ZNF646: variants seen among roughly 807,000 people sequenced by gnomAD.
The protein encoded by ZNF646 is zinc finger protein 646.
In ZNF646, 49 loss-of-function variants were observed where a neutral mutation model predicts 115.4. That is an observed-to-expected ratio of 0.42 (90% CI 0.34 to 0.54). ZNF646 has a LOEUF of 0.54. Among genes scored for constraint, ZNF646 ranks in the 20% least tolerant of loss-of-function variants. ZNF646 has a pLI of 0.04. For synonymous variants in ZNF646, 933 were observed against 939.0 expected, an observed-to-expected ratio of 0.99 and a Z score of 0.12; for missense variants, 2,269 against 2,457.9, an observed-to-expected ratio of 0.92 and a Z score of 1.62.
Position 31,076,467 on chromosome 16 carries a change from ACCG to A in ZNF646, c.144_146del (p.Arg49del). 1 of 1,613,648 alleles carries A rather than the reference ACCG, an allele frequency of 6.2e-7. No homozygotes were observed. The stretch of plus-strand genomic sequence containing the variant: ...GAGGCTGACAGCATCCCTCGGCCCT[ACCG>A]TTGTCAGCAGTGTGGGCGGGGCTAC... On this transcript the variant is annotated inframe_deletion, in exon 2 of 3. Coordinates refer to ENST00000300850, the MANE Select transcript of ZNF646 (RefSeq NM_014699.4).
In ZNF646 at chr16:31,079,098, C is replaced by A. The variant is rs1438098204; in HGVS notation, c.2774C>A (p.Ala925Glu). The A allele has an allele frequency of 1.3e-6, 2 of 1,579,038 alleles. No homozygotes were observed. Among genetic ancestry groups the A allele is most frequent in the Admixed American group, 3.5e-5 (2 of 57,938 alleles). ...EEGEEEGVAE[A>E]APARSPPLQL... ...GGGGAAGAGGAAGGAGTGGCAGAGG[C>A]AGCCCCTGCACGCAGTCCACCACTG... The change falls in exon 2 of 3, where the codon GCA becomes GAA. Residue 925 changes from alanine to glutamate, a missense_variant. Ala to Glu is a moderately radical substitution (Grantham distance 107). This residue lies in a region of ZNF646 where 852 missense variants were observed against 900.2 expected (regional missense o/e 0.95). Coordinates refer to ENST00000300850, the MANE Select transcript of ZNF646 (RefSeq NM_014699.4). This position sits in a 1 kb window ranked among gnomAD's most constrained non-coding sequence, Gnocchi z 5.5.
chr16:31,082,361 G>C (rs760912990), intron 2 of ZNF646: 1 of 173,298 alleles, frequency 5.8e-6, no homozygotes, highest in African/African-American at 2.4e-5. Context: ...TGCTGCCAAC[G>C]GCCTTTTTAG....
In ZNF646 at chr16:31,083,643, G is replaced by T. The variant is rs1010405619; in HGVS notation, c.*551G>T. ...GCAGGGTGGGGAGTGGGCACCTGTG[G>T]CCCCAGGCAGGTTCCTTCCCACAGC... On this transcript the variant is annotated 3_prime_UTR_variant, in exon 3 of 3. Coordinates refer to ENST00000300850, the MANE Select transcript of ZNF646 (RefSeq NM_014699.4). The T allele has an allele frequency of 5.9e-6, 9 of 1,530,360 alleles. No homozygotes were observed. The African/African-American group carries it at 9.6e-5, about 16-fold the overall frequency. The allele number at this position is 1,530,360 out of a possible 1,614,324, so 94.8% of individuals were successfully genotyped here.
rs777007769 is a variant in ZNF646, at chr16:31,077,967, C to T, written c.1643C>T (p.Pro548Leu). Reference protein sequence around the residue: ...PPDPVEAEAAPHTDQDHVCKH... With the variant: ...PPDPVEAEAALHTDQDHVCKH... ...GACCCAGTGGAGGCAGAGGCAGCCC[C>T]GCACACAGATCAGGACCATGTGTGC... Residue 548 changes from proline (P) to leucine (L), a missense_variant, in exon 2 of 3, where the codon CCG becomes CTG. This residue lies in a region of ZNF646 where 852 missense variants were observed against 900.2 expected (regional missense o/e 0.95). Coordinates refer to ENST00000300850, the MANE Select transcript of ZNF646 (RefSeq NM_014699.4). 2.0e-5 allele frequency: 33 copies of T among 1,613,812 alleles called. No individual in the cohort carries two copies. Among genetic ancestry groups the T allele is most frequent in the African/African-American group, 8.0e-5 (6 of 74,920 alleles).
Position 31,077,240 on chromosome 16 carries a change from C to T in ZNF646, c.916C>T (p.Pro306Ser). 6.2e-7 allele frequency: 1 copy of T among 1,614,154 alleles called. No individual in the cohort carries two copies. The change falls in exon 2 of 3, where the codon CCC becomes TCC. Residue 306 changes from proline to serine, a missense_variant. By Grantham distance (74) the Pro-to-Ser change is moderately conservative (BLOSUM62 -1). This residue lies in a region of ZNF646 where 852 missense variants were observed against 900.2 expected (regional missense o/e 0.95). Coordinates refer to ENST00000300850, the MANE Select transcript of ZNF646 (RefSeq NM_014699.4). Reference protein sequence around the residue: ...CPHCPRVFRLPRELLEHQQSH... With the variant: ...CPHCPRVFRLSRELLEHQQSH... ...CCACTGCCCCCGTGTCTTCCGGCTC[C>T]CCCGGGAGCTGCTGGAACACCAGCA...
Position 31,078,067 on chromosome 16 carries a change from G to A in ZNF646, c.1743G>A (p.Gly581=). The A allele has an allele frequency of 1.2e-6, 2 of 1,614,232 alleles. No homozygotes were observed. Among genetic ancestry groups the A allele is most frequent in the Non-Finnish European group, 1.7e-6 (2 of 1,180,052 alleles). ...CAGCACATATCTGTAGCATCTGTGG[G>A]CTGCTCTTTGAAGACGCTGAGAGCC... ...KTAAHICSIC[G]LLFEDAESLE... Residue 581 remains glycine, a synonymous_variant, in exon 2 of 3, where the codon GGG becomes GGA. Coordinates refer to ENST00000300850, the MANE Select transcript of ZNF646 (RefSeq NM_014699.4).
At position 31,081,610 on chromosome 16, in the gene ZNF646, C is replaced by T; in HGVS notation, c.5286C>T (p.Thr1762=). The T allele has an allele frequency of 1.9e-6, 3 of 1,604,368 alleles. No homozygotes were observed. Among genetic ancestry groups the T allele is most frequent in the Non-Finnish European group, 2.6e-6 (3 of 1,175,520 alleles). ...RVHAPREGPF[T]CPHCPRHFRR... is the part of the protein sequence containing the mutation. ...ATGCACCCCGGGAGGGGCCTTTCAC[C>T]TGCCCCCATTGTCCCCGCCACTTCC... is the stretch of plus-strand genomic sequence containing the variant. Residue 1762 remains threonine, a synonymous_variant, in exon 2 of 3, where the codon ACC becomes ACT. Coordinates refer to ENST00000300850, the MANE Select transcript of ZNF646 (RefSeq NM_014699.4).
chr16:31,077,610 G>T lies in ZNF646; in HGVS notation c.1286G>T (p.Gly429Val). ...HVRAHHRPRQ[G>V]VGENGQPSVP... ...CGGGCTCATCACAGGCCCAGGCAAGGAGTTGGGGAAAATGGGCAGCCATCA... is the reference window on the plus strand; with the variant it reads ...CGGGCTCATCACAGGCCCAGGCAAGTAGTTGGGGAAAATGGGCAGCCATCA... Residue 429 changes from glycine to valine, a missense_variant, in exon 2 of 3, where the codon GGA (glycine) becomes GTA (valine). By Grantham distance (109) the Gly-to-Val change is moderately radical. This residue lies in a region of ZNF646 where 852 missense variants were observed against 900.2 expected (regional missense o/e 0.95). Coordinates refer to ENST00000300850, the MANE Select transcript of ZNF646 (RefSeq NM_014699.4). 6.2e-7 allele frequency: 1 copy of T among 1,613,772 alleles called. No homozygotes were observed. Among genetic ancestry groups the T allele is most frequent in the Non-Finnish European group, 8.5e-7 (1 of 1,179,918 alleles).
chr16:31,083,800 G>A lies in ZNF646; in HGVS notation c.*708G>A. The A allele has an allele frequency of 6.2e-7, 1 of 1,614,102 alleles. No homozygotes were observed. The highest frequency in any genetic ancestry group is 8.5e-7 in the Non-Finnish European group (1 of 1,179,942). On this transcript the variant is annotated 3_prime_UTR_variant, in exon 3 of 3. Transcript: ENST00000300850. ...TGGCCAGGTCCCCTGTCAGCAGCTG[G>A]TTGGTTGGCCTGTGGGGAAGGAAGG... is the stretch of plus-strand genomic sequence containing the variant.
Position 31,080,478 on chromosome 16 carries a change from A to C in ZNF646, c.4154A>C (p.Glu1385Ala). ...GRGSLERHLR[E>A]HEETEREPAN... is the part of the protein sequence containing the mutation. ...GGATCTTTGGAGCGGCACCTGCGGG[A>C]GCATGAGGAGACAGAAAGGGAGCCA... Residue 1385 changes from glutamate (E) to alanine (A), a missense_variant, in exon 2 of 3, where the codon GAG becomes GCG. Coordinates refer to ENST00000300850, the MANE Select transcript of ZNF646 (RefSeq NM_014699.4). The C allele has an allele frequency of 6.2e-7, 1 of 1,613,432 alleles. No individual in the cohort carries two copies. Among genetic ancestry groups the C allele is most frequent in the Non-Finnish European group, 8.5e-7 (1 of 1,179,960 alleles).
Position 31,077,520 on chromosome 16 carries a change from G to T in ZNF646, c.1196G>T (p.Gly399Val). The change falls in exon 2 of 3, where the codon GGT (glycine) becomes GTT (valine). Residue 399 changes from glycine to valine, a missense_variant. Around this residue, in one of 5 missense-constraint regions of ZNF646, gnomAD observed 852 missense variants for 900.2 expected, o/e 0.95. Coordinates refer to ENST00000300850, the MANE Select transcript of ZNF646 (RefSeq NM_014699.4). ...LINHRKSHQT[G>V]VYPCSLCSKQ... ...AACCATCGAAAGAGCCACCAGACAG[G>T]TGTCTACCCCTGCTCACTCTGTTCT... is the stretch of plus-strand genomic sequence containing the variant. The T allele has an allele frequency of 6.2e-7, 1 of 1,613,534 alleles. No homozygotes were observed. Among genetic ancestry groups the T allele is most frequent in the South Asian group, 1.1e-5 (1 of 91,030 alleles).
upstream of ZNF646, chr16:31,074,392 T>G (rs1380486674): frequency 6.6e-6 from 1 of 152,240 alleles, no homozygotes; most frequent in African/African-American, 2.4e-5. Flanking sequence ...GCGGGGAAGC[T>G]TTTGCACCTA....
chr16:31,083,116 ATC>A lies in ZNF646; in HGVS notation c.*26_*27del. ...GAACTTCAAGTCTCCAAAGATCAGA[ATC>A]TGGGGGAGGGAGCGCGTGCAGGGAG... On this transcript the variant is annotated 3_prime_UTR_variant, in exon 3 of 3. Coordinates refer to ENST00000300850, the MANE Select transcript of ZNF646 (RefSeq NM_014699.4). 4 of 1,599,334 alleles carry A rather than the reference ATC, an allele frequency of 2.5e-6. No homozygotes were observed. Among genetic ancestry groups the A allele is most frequent in the Non-Finnish European group, 3.4e-6 (4 of 1,174,522 alleles).
In ZNF646 at chr16:31,076,961, T is replaced by C. The variant is rs2057085344; in HGVS notation, c.637T>C (p.Tyr213His). Residue 213 changes from tyrosine to histidine, a missense_variant, in exon 2 of 3, where the codon TAT becomes CAT. Around this residue, in one of 5 missense-constraint regions of ZNF646, gnomAD observed 334 missense variants for 323.5 expected, o/e 1.03. Transcript: ENST00000300850. ...ASSLLSNLEQ[Y>H]LAESVVNFTG... ...CAGCCTTCTTAGCAACTTGGAACAG[T>C]ATCTGGCTGAATCAGTAGTGAACTT... is the stretch of plus-strand genomic sequence containing the variant. 1 of 1,613,908 alleles carries C rather than the reference T, an allele frequency of 6.2e-7. No individual in the cohort carries two copies. Among genetic ancestry groups the C allele is most frequent in the Non-Finnish European group, 8.5e-7 (1 of 1,179,958 alleles).
chr16:31,079,174 G>A lies in ZNF646; in HGVS notation c.2850G>A (p.Ala950=), dbSNP rs201243504. 18 of 1,612,860 alleles carry A rather than the reference G, an allele frequency of 1.1e-5. No homozygotes were observed. Among genetic ancestry groups the A allele is most frequent in the Middle Eastern group, 3.3e-4 (2 of 6,078 alleles). The change falls in exon 2 of 3, where the codon GCG becomes GCA. Residue 950 remains alanine (A), a synonymous_variant. Transcript: ENST00000300850. The surrounding 1 kb of genome is among the most constrained non-coding windows in gnomAD (Gnocchi z 5.5). ...ATCAGCTGCAGCGGGAGGTGGAAGC[G>A]CTGGACAGTGCAGGGTATGGGCACA... ...LLNQLQREVE[A]LDSAGYGHIC... is the part of the protein sequence containing the mutation.
rs774851879 is a variant in ZNF646, at chr16:31,076,737, A to G, written c.413A>G (p.Glu138Gly). Residue 138 changes from glutamate to glycine, a missense_variant, in exon 2 of 3, where the codon GAA becomes GGA. Physicochemically the swap from Glu to Gly is moderately conservative, Grantham distance 98. Transcript: ENST00000300850. The stretch of plus-strand genomic sequence containing the variant: ...AGGCTTGGCTCTAGTGAAGGCTGGG[A>G]AAACCAGACAAAACATACAGAAGAG... The part of the protein sequence containing the change: ...GQRLGSSEGW[E>G]NQTKHTEETP... The G allele has an allele frequency of 8.7e-6, 14 of 1,613,704 alleles. No individual in the cohort carries two copies. The highest frequency in any genetic ancestry group is 2.5e-6 in the Non-Finnish European group (3 of 1,180,032).
rs1442976315 is a variant in ZNF646 at position 31,083,848 on chromosome 16, C to T, written c.*756C>T. The T allele has an allele frequency of 1.2e-6, 2 of 1,613,910 alleles. No homozygotes were observed. Among genetic ancestry groups the T allele is most frequent in the Non-Finnish European group, 1.7e-6 (2 of 1,179,846 alleles). ...AGGAGGGTGGAGTTGTCCTCATCCT[C>T]ACGGCTTTGGTCCCTCCCTCCCTCC... is the stretch of plus-strand genomic sequence containing the variant. On this transcript the variant is annotated 3_prime_UTR_variant, in exon 3 of 3. Transcript: ENST00000300850.
chr16:31,082,769 A>T, intron 2 of ZNF646: 1 of 618,674 alleles, frequency 1.6e-6, no homozygotes, highest in Non-Finnish European at 2.7e-6. Context: ...CTTTAAGGAT[A>T]GAAGATTTCT....
chr16:31,074,781 G>A (rs1181519189), intron 1 of ZNF646, 150 bp downstream of exon 1: 1 of 152,242 alleles, frequency 6.6e-6, no homozygotes, highest in African/African-American at 2.4e-5. Flanking sequence ...CTTCATTGGT[G>A]GTTGACTAGG....
Sources: gnomAD v4.1 joint callset for allele counts on GRCh38, gnomAD v4.1.1 for gene constraint, gnomAD v4.1.1 regional missense constraint, Gnocchi (gnomAD v3.1) non-coding constraint, MANE v1.5 for transcripts, NCBI Gene and HGNC (gene_info 2026-07-23, HGNC 2026-07-21) for gene names.